Variants in INPP4B observed in about 807,000 individuals in gnomAD.
INPP4B encodes inositol polyphosphate 4-phosphatase type II.
In INPP4B, 55 loss-of-function variants were observed where a neutral mutation model predicts 122.5. The ratio of observed to expected loss-of-function variants is 0.45; its 90% CI spans 0.36 to 0.56. INPP4B has a LOEUF of 0.56. Among genes scored for constraint, INPP4B ranks in the 20% least tolerant of loss-of-function variants. The pLI is 0.00. For synonymous variants in INPP4B, 403 were observed against 388.7 expected, an observed-to-expected ratio of 1.04 and a Z score of -0.43; for missense variants, 1,000 against 1,097.7, an observed-to-expected ratio of 0.91 and a Z score of 1.26.
At chr4:142,563,195 G>T (rs760658800) in intron 2 of INPP4B, among the ~76,000 whole-genome samples, 1 of 152,124 alleles carries the variant, frequency 6.6e-6, no homozygotes, top group African/African-American at 2.4e-5. Flanking sequence ...ACAATGAAAG[G>T]AAAAAATCAA....
intron 2 of INPP4B, among the ~76,000 whole-genome samples, chr4:142,578,678 C>G (rs1225795234): frequency 6.6e-6 from 1 of 151,858 alleles, no homozygotes; most frequent in Non-Finnish European, 1.5e-5. Flanking sequence ...CTCTTTCAAC[C>G]CTTATCTCCA....
chr4:142,495,061 C>T (rs2149796244), intron 2 of INPP4B, among the ~76,000 whole-genome samples: 1 of 152,200 alleles, frequency 6.6e-6, no homozygotes, highest in East Asian at 1.9e-4. Context: ...TCGAAGAAAT[C>T]TTCTACAGGC....
chr4:142,066,817 C>G (rs375667523), intron 25 of INPP4B, among the ~76,000 whole-genome samples: 1 of 152,206 alleles, frequency 6.6e-6, no homozygotes, highest in African/African-American at 2.4e-5. Context: ...GTAAACAAAG[C>G]AGCCAGGAAG....
intron 11 of INPP4B, among the ~76,000 whole-genome samples, chr4:142,246,090 G>T (rs562533786): frequency 1.5e-5 from 2 of 132,834 alleles, no homozygotes; most frequent in Non-Finnish European, 3.3e-5. Context: ...TTATATATAT[G>T]TGTGTGTGTA....
intron 7 of INPP4B, among the ~76,000 whole-genome samples, chr4:142,358,209 G>C (rs963478756): frequency 8.0e-4 from 122 of 151,930 alleles, no homozygotes; most frequent in African/African-American, 2.9e-3. Flanking sequence ...TGGGAGACTG[G>C]TGGCAATACT....
intron 2 of INPP4B, among the ~76,000 whole-genome samples, chr4:142,687,014 CA>C (rs1332029062): frequency 6.6e-6 from 1 of 151,810 alleles, no homozygotes; most frequent in Non-Finnish European, 1.5e-5. Flanking sequence ...GTGATAATTT[CA>C]GGAGAAAAAA....
chr4:142,193,071 TC>T lies in INPP4B; in HGVS notation c.1181+15del. Reference sequence around the variant, plus strand: ...GTTATTAATGGAATCTGTGCTTTCCTCCTGTCTTTACTTACTTTCTTCTTTC... The same window carrying T: ...GTTATTAATGGAATCTGTGCTTTCCTCTGTCTTTACTTACTTTCTTCTTTC... On this transcript the variant is annotated intron_variant, in intron 15 of 25. Coordinates refer to ENST00000262992, the MANE Select transcript of INPP4B (RefSeq NM_001101669.3). 1 of 1,460,036 alleles carries T rather than the reference TC, an allele frequency of 6.8e-7. No homozygotes were observed. The highest frequency in any genetic ancestry group is 9.6e-7 in the Non-Finnish European group (1 of 1,039,710). 90.4% of individuals were successfully genotyped at this position (1,460,036 alleles called of 1,614,324 possible).
At chr4:142,725,483 G>C (rs1354862335) in intron 2 of INPP4B, among the ~76,000 whole-genome samples, 2 of 151,994 alleles carry the variant, frequency 1.3e-5, no homozygotes, top group Non-Finnish European at 2.9e-5. Context: ...ACCCTAACAA[G>C]GGTCTAATGC....
intron 10 of INPP4B, among the ~76,000 whole-genome samples, chr4:142,268,768 A>T (rs1376551221): frequency 2.0e-5 from 3 of 152,210 alleles, no homozygotes; most frequent in Non-Finnish European, 4.4e-5. Context: ...CAAATACTGA[A>T]TCATCTCATT....
chr4:142,814,555 G>T (rs1779897785), intron 1 of INPP4B, among the ~76,000 whole-genome samples: 1 of 152,110 alleles, frequency 6.6e-6, no homozygotes, highest in South Asian at 2.1e-4. Context: ...CAGAGTTATT[G>T]TTATTGTATG....
At chr4:142,531,804 G>A (rs995687704) in intron 2 of INPP4B, among the ~76,000 whole-genome samples, 1 of 151,986 alleles carries the variant, frequency 6.6e-6, no homozygotes, top group Admixed American at 6.6e-5. Context: ...CAACAAAGGA[G>A]CCAGAATTTG....
chr4:142,694,172 A>G (rs553444958), intron 2 of INPP4B, among the ~76,000 whole-genome samples: 1 of 152,106 alleles, frequency 6.6e-6, no homozygotes, highest in African/African-American at 2.4e-5. Context: ...CGGGAGTTCC[A>G]GACCAGCCTG....
Position 142,390,640 on chromosome 4 carries a change from T to C in INPP4B, c.372+12298A>G, listed in dbSNP as rs534636919. On this transcript the variant is annotated intron_variant, in intron 7 of 25. Transcript: ENST00000262992. Reference sequence around the variant, plus strand: ...AGCATTCTCAAAATAAAACATAATGTTTAATGTTCTATTTTAGTGTATGTT... The same window carrying C: ...AGCATTCTCAAAATAAAACATAATGCTTAATGTTCTATTTTAGTGTATGTT... Among the ~76,000 whole-genome samples, 8 of 152,318 alleles carry C rather than the reference T, an allele frequency of 5.3e-5. No homozygotes were observed. The South Asian group carries it at 1.7e-3, about 32-fold the overall frequency.
intron 7 of INPP4B, among the ~76,000 whole-genome samples, chr4:142,351,218 T>C (rs748647362): frequency 2.6e-4 from 39 of 152,008 alleles, no homozygotes; most frequent in South Asian, 6.2e-4. Context: ...ATTAGTGGGA[T>C]AAATTTCAGC....
chr4:142,275,815 C>T (rs1748110913), intron 9 of INPP4B, among the ~76,000 whole-genome samples: 1 of 151,626 alleles, frequency 6.6e-6, no homozygotes, highest in Non-Finnish European at 1.5e-5. Flanking sequence ...ATAGGCTCAC[C>T]TTCAGACATT....
At chr4:142,445,570 G>A (rs1812730032) in intron 3 of INPP4B, among the ~76,000 whole-genome samples, 1 of 152,132 alleles carries the variant, frequency 6.6e-6, no homozygotes, top group Non-Finnish European at 1.5e-5. Context: ...AGCAAAAACT[G>A]ACAGAAGTGA....
intron 1 of INPP4B, chr4:142,795,231 AT>A (rs1216616722): frequency 6.6e-6 from 1 of 152,054 alleles, no homozygotes; most frequent in Non-Finnish European, 1.5e-5. Context: ...CAAAAAAGAT[AT>A]TCTTTAGGAT....
chr4:142,191,619 C>T (rs938681386), intron 15 of INPP4B, among the ~76,000 whole-genome samples: 2 of 152,152 alleles, frequency 1.3e-5, no homozygotes, highest in African/African-American at 2.4e-5. Context: ...GAAACTTTGG[C>T]TTCCACTCCC....
intron 1 of INPP4B, among the ~76,000 whole-genome samples, chr4:142,834,701 C>T (rs1782568691): frequency 1.3e-5 from 2 of 151,932 alleles, no homozygotes; most frequent in African/African-American, 4.8e-5. Context: ...ATTTAGAATC[C>T]CATTGCAATG....
Sources: allele counts gnomAD v4.1 joint callset (sites outside exome capture counted in the v4.1 genomes callset), GRCh38; gene constraint gnomAD v4.1.1; transcripts MANE v1.5; gene names NCBI Gene and HGNC (gene_info 2026-07-23, HGNC 2026-07-21).